DBF4: variants seen among roughly 807,000 people sequenced by gnomAD.
DBF4 encodes protein DBF4 homolog A.
In DBF4, 25 loss-of-function variants were observed where a neutral mutation model predicts 76.6. That is an observed-to-expected ratio of 0.33 (90% CI 0.24 to 0.46). The LOEUF is 0.46. Ranked by LOEUF, DBF4 falls within the 20% of genes least tolerant of loss-of-function variation. The probability of loss-of-function intolerance (pLI) is 1.00; values close to 1 mark genes in which losing one functional copy is unlikely to be tolerated. For synonymous variants in DBF4, 213 were observed against 258.0 expected (o/e 0.83, Z 1.67); for missense variants, 638 against 760.8 (o/e 0.84, Z 1.90).
intron 10 of DBF4, 23 bp downstream of exon 10, chr7:87,900,901 G>C (rs759565440): frequency 3.8e-6 from 6 of 1,591,388 alleles, no homozygotes; most frequent in South Asian, 1.1e-5. Flanking sequence ...TTATATTTTG[G>C]GGGCTTGTTT....
intron 6 of DBF4, chr7:87,888,271 C>T (rs17150008): frequency 0.029 from 28,219 of 983,190 alleles, 592 homozygotes; most frequent in East Asian, 0.089. Flanking sequence ...TAGGTCGCTT[C>T]CTCAGCCCCC....
chr7:87,890,963 G>A lies in DBF4; in HGVS notation c.597+2904G>A, dbSNP rs1839470737. On this transcript the variant is annotated intron_variant, in intron 6 of 11. Coordinates refer to ENST00000265728, the MANE Select transcript of DBF4 (RefSeq NM_006716.4). ...TTATTTTGGTATATAAGAAAGGAATGTTTCTGGAAAATTTTTAGTTTGCCA... is the reference window on the plus strand; with the variant it reads ...TTATTTTGGTATATAAGAAAGGAATATTTCTGGAAAATTTTTAGTTTGCCA... 2.0e-5 allele frequency among the ~76,000 whole-genome samples: 3 copies of A among 152,184 alleles called. 1 individual carries two copies. In the Middle Eastern group the frequency reaches 0.01, roughly 518 times the overall value.
intron 2 of DBF4, among the ~76,000 whole-genome samples, chr7:87,881,942 C>T (rs1224104174): frequency 6.6e-6 from 1 of 152,160 alleles, no homozygotes; most frequent in Admixed American, 6.5e-5. Flanking sequence ...AAATATATGT[C>T]AATGCAGTTT....
intron 8 of DBF4, among the ~76,000 whole-genome samples, chr7:87,899,781 G>A (rs553746728): frequency 6.6e-6 from 1 of 152,274 alleles, no homozygotes; most frequent in African/African-American, 2.4e-5. Context: ...AATACTGCAT[G>A]ATTCCACTCC....
chr7:87,882,853 G>A (rs537500495), intron 2 of DBF4, among the ~76,000 whole-genome samples: 1 of 152,198 alleles, frequency 6.6e-6, no homozygotes, highest in Non-Finnish European at 1.5e-5. Flanking sequence ...CACTCTGAGT[G>A]GTAGTGTAAC....
At position 87,907,168 on chromosome 7, in the gene DBF4, C is replaced by G; in HGVS notation, c.1050-20C>G. 1 of 1,511,350 alleles carries G rather than the reference C, an allele frequency of 6.6e-7. No individual in the cohort carries two copies. Among genetic ancestry groups the G allele is most frequent in the Non-Finnish European group, 8.8e-7 (1 of 1,133,010 alleles). The allele number at this position is 1,511,350 out of a possible 1,614,324, so 93.6% of individuals were successfully genotyped here. A position where few individuals can be genotyped will look rare whatever the true frequency, so the allele number is the denominator to read the frequency against. ...TGATAGCAATTATTTTAATATTTTT[C>G]TTCTATTTTTCCTACAAAGAATAAA... is the stretch of plus-strand genomic sequence containing the variant. On this transcript the variant is annotated intron_variant, in intron 11 of 11. Coordinates refer to ENST00000265728, the MANE Select transcript of DBF4 (RefSeq NM_006716.4).
chr7:87,876,510 A>C lies in DBF4; in HGVS notation c.-223A>C, dbSNP rs961392047. 3.4e-5 allele frequency: 18 copies of C among 529,204 alleles called. No individual in the cohort carries two copies. Among genetic ancestry groups the C allele is most frequent in the Non-Finnish European group, 5.8e-5 (17 of 294,172 alleles). The allele number at this position is 529,204 out of a possible 1,614,324, so 32.8% of individuals were successfully genotyped here. A position where few individuals can be genotyped will look rare whatever the true frequency, so the allele number is the denominator to read the frequency against. On this transcript the variant is annotated 5_prime_UTR_variant, in exon 1 of 12. Transcript: ENST00000265728. ...GCGTTTTCAAATCTTCAACCGCCGC[A>C]GCCCACTCGTTTGTGCTTTGCGCCT...
intron 6 of DBF4, among the ~76,000 whole-genome samples, chr7:87,890,313 C>G (rs951871679): frequency 6.6e-6 from 1 of 152,126 alleles, no homozygotes; most frequent in Non-Finnish European, 1.5e-5. Flanking sequence ...CCAAGGTGGG[C>G]AGATCACACG....
chr7:87,896,206 T>C (rs576684321), intron 6 of DBF4: 4 of 333,944 alleles, frequency 1.2e-5, no homozygotes, highest in African/African-American at 4.3e-5. Flanking sequence ...AAAAATAATA[T>C]GACTTTTAAA....
At chr7:87,895,120 A>C (rs149914164) in intron 6 of DBF4, among the ~76,000 whole-genome samples, 5 of 152,020 alleles carry the variant, frequency 3.3e-5, no homozygotes, top group African/African-American at 1.2e-4. Context: ...CTTGAAGTTC[A>C]CTAATACTTA....
At chr7:87,897,206 A>T in intron 7 of DBF4, 88 bp from the exon 8 acceptor site, 2 of 1,261,010 alleles carry the variant, frequency 1.6e-6, no homozygotes, top group Non-Finnish European at 1.1e-6. Flanking sequence ...TTTTGTTTGG[A>T]GGGTTTTGTT....
At chr7:87,904,672 GGCAGA>G (rs1320293862) in intron 11 of DBF4, among the ~76,000 whole-genome samples, 1 of 152,160 alleles carries the variant, frequency 6.6e-6, no homozygotes, top group Non-Finnish European at 1.5e-5. Flanking sequence ...AAACCCAGGA[GGCAGA>G]GGTTGCAGTG....
intron 7 of DBF4, 127 bp from the exon 8 acceptor site, chr7:87,897,167 G>T: frequency 1.3e-6 from 1 of 795,056 alleles, no homozygotes; most frequent in Non-Finnish European, 2.0e-6. Context: ...CTCATCTGAG[G>T]CTTAAAACTT....
chr7:87,888,155 G>T, intron 6 of DBF4, 96 bp downstream of exon 6: 1 of 1,395,594 alleles, frequency 7.2e-7, no homozygotes, highest in African/African-American at 1.5e-5. Context: ...TATCCTAGGG[G>T]CAAGCCTGTG....
rs548482412 is a variant in DBF4 at position 87,893,424 on chromosome 7, T to A, written c.598-3050T>A. On this transcript the variant is annotated intron_variant, in intron 6 of 11. Coordinates refer to ENST00000265728, the MANE Select transcript of DBF4 (RefSeq NM_006716.4). ...CCGCGCCCGGCTAATTTTTTGTATTTTTAGTAGAGACGGGGTTTCACCTTG... is the reference window on the plus strand; with the variant it reads ...CCGCGCCCGGCTAATTTTTTGTATTATTAGTAGAGACGGGGTTTCACCTTG... Among the ~76,000 whole-genome samples, 566 of 151,168 alleles carry A rather than the reference T, an allele frequency of 3.7e-3. 3 individuals are homozygous for A. Among genetic ancestry groups the A allele is most frequent in the African/African-American group, 0.013 (545 of 41,186 alleles).
intron 8 of DBF4, among the ~76,000 whole-genome samples, chr7:87,899,122 A>G (rs1415402040): frequency 6.6e-6 from 1 of 152,222 alleles, no homozygotes; most frequent in Non-Finnish European, 1.5e-5. Flanking sequence ...CTAAAATGGT[A>G]AAACTCTTGG....
chr7:87,898,001 C>A (rs1839683057), intron 8 of DBF4, among the ~76,000 whole-genome samples: 1 of 152,170 alleles, frequency 6.6e-6, no homozygotes, highest in Non-Finnish European at 1.5e-5. Flanking sequence ...TAGTCTCTAA[C>A]TCTTGACCTC....
At chr7:87,903,091 G>A (rs1839828210) in intron 10 of DBF4, among the ~76,000 whole-genome samples, 1 of 151,888 alleles carries the variant, frequency 6.6e-6, no homozygotes, top group South Asian at 2.1e-4. Flanking sequence ...TTTGTTTTTT[G>A]TTTTTATTTG....
chr7:87,893,176 T>A (rs981000645), intron 6 of DBF4, among the ~76,000 whole-genome samples: 2 of 152,160 alleles, frequency 1.3e-5, no homozygotes, highest in Non-Finnish European at 2.9e-5. Context: ...TTCCTTTTAG[T>A]TCTAGTACAG....
Sources: gnomAD v4.1 joint callset for allele counts (sites outside exome capture counted in the v4.1 genomes callset) on GRCh38, gnomAD v4.1.1 for gene constraint, MANE v1.5 for transcripts, NCBI Gene and HGNC (gene_info 2026-07-23, HGNC 2026-07-21) for gene names.